Variants in OR10S1 observed in about 807,000 individuals in gnomAD.
The protein encoded by OR10S1 is olfactory receptor family 10 subfamily S member 1, also known as olfactory receptor 10S1.
For missense variants in OR10S1, 415 were observed against 407.9 expected (o/e 1.02, Z -0.15); for synonymous variants, 167 against 164.1 (o/e 1.02, Z -0.13).
exon 1 of OR10S1, chr11:123,977,398 C>G (rs770960376): frequency 6.2e-7 from 1 of 1,613,946 alleles, no homozygotes; most frequent in African/African-American, 1.3e-5. Flanking sequence ...CCAGAGTCAG[C>G]AGGCCTGCCA....
At chr11:123,977,392 A>G (rs748125574) in exon 1 of OR10S1, 2 of 1,614,094 alleles carry the variant, frequency 1.2e-6, no homozygotes, top group Non-Finnish European at 1.7e-6. Context: ...TCCCATCCAG[A>G]GTCAGCAGGC....
At chr11:123,976,977 C>A (rs935644337) in exon 1 of OR10S1, 2 of 1,613,916 alleles carry the variant, frequency 1.2e-6, no homozygotes, top group African/African-American at 2.7e-5. Flanking sequence ...ATGCGCAACA[C>A]AGCTGCCACG....
At position 123,977,759 on chromosome 11, in the gene OR10S1, C is replaced by A; in HGVS notation, c.-95G>T. 1 of 1,376,802 alleles carries A rather than the reference C, an allele frequency of 7.3e-7. No homozygotes were observed. The allele number at this position is 1,376,802 out of a possible 1,614,324, so 85.3% of individuals were successfully genotyped here. ...ATCCCTTTCCTGAGATGTCATTATC[C>A]ATCAAGCCACACCACCTTGGTCTTA... is the stretch of plus-strand genomic sequence containing the variant. On this transcript the variant is annotated 5_prime_UTR_variant, in exon 1 of 1. An upstream start codon of the reference 5' UTR is lost. Coordinates refer to ENST00000641123, the Ensembl canonical transcript of OR10S1.
exon 1 of OR10S1, chr11:123,977,088 C>T (rs184549340): frequency 8.7e-6 from 14 of 1,614,196 alleles, no homozygotes; most frequent in African/African-American, 2.7e-5. Flanking sequence ...TCTGTACAGG[C>T]GAGCTTTAGG....
exon 1 of OR10S1, chr11:123,977,014 G>A: frequency 6.2e-7 from 1 of 1,614,184 alleles, no homozygotes; most frequent in Non-Finnish European, 8.5e-7. Context: ...TAACGATGAG[G>A]ATGAGGCAGC....
chr11:123,977,481 G>A (rs1449216016), exon 1 of OR10S1: 4 of 1,614,116 alleles, frequency 2.5e-6, no homozygotes, highest in Non-Finnish European at 3.4e-6. Flanking sequence ...TGGTACATGG[G>A]TAAGCTGAGG....
exon 1 of OR10S1, chr11:123,976,715 G>T: frequency 4.3e-6 from 7 of 1,611,996 alleles, no homozygotes; most frequent in Non-Finnish European, 5.1e-6. Context: ...TGGGCTGCCT[G>T]CTGTAGACTC....
Position 123,976,815 on chromosome 11 carries a change from C to T in OR10S1, c.850G>A (p.Val284Ile), listed in dbSNP as rs753640147. The T allele has an allele frequency of 5.0e-6, 8 of 1,614,126 alleles. No individual in the cohort carries two copies. In the Middle Eastern group the frequency reaches 4.9e-4, roughly 100 times the overall value. Residue 284 changes from valine (V) to isoleucine (I), a missense_variant, in exon 1 of 1, where the codon GTA (valine) becomes ATA (isoleucine). Coordinates refer to ENST00000641123, the Ensembl canonical transcript of OR10S1. ...ATGAATGGGTTGAGCATTGGAGTTACGATTGTGTAGAAGACAGCAGGGGCC... is the reference window on the plus strand; with the variant it reads ...ATGAATGGGTTGAGCATTGGAGTTATGATTGTGTAGAAGACAGCAGGGGCC...
chr11:123,976,871 A>G (rs1238594908), exon 1 of OR10S1: 1 of 1,614,166 alleles, frequency 6.2e-7, no homozygotes, highest in Admixed American at 1.7e-5. Context: ...GCGAGGCTGC[A>G]GGTAGATACA....
exon 1 of OR10S1, chr11:123,976,667 A>T: frequency 6.4e-7 from 1 of 1,553,364 alleles, no homozygotes; most frequent in Non-Finnish European, 8.7e-7. Context: ...CTTTCCTGGC[A>T]GGCAAATTGT....
rs1565583588 is a variant in OR10S1 at position 123,977,460 on chromosome 11, G to GC, written c.204dup (p.His69AlafsTer32). On this transcript the variant is annotated frameshift_variant, in exon 1 of 1. Coordinates refer to ENST00000641123, the Ensembl canonical transcript of OR10S1. LOFTEE classifies it low-confidence loss of function (END_TRUNC). The stretch of plus-strand genomic sequence containing the variant: ...AAACAGGCATCCAGGAAGGAGAGGT[G>GC]CCCCAGGAAGTGGTACATGGGTAAG... 6.2e-7 allele frequency: 1 copy of GC among 1,614,104 alleles called. No individual in the cohort carries two copies. Among genetic ancestry groups the GC allele is most frequent in the Non-Finnish European group, 8.5e-7 (1 of 1,179,998 alleles).
exon 1 of OR10S1, chr11:123,977,011 G>A: frequency 6.2e-6 from 10 of 1,614,170 alleles, no homozygotes; most frequent in Non-Finnish European, 7.6e-6. Flanking sequence ...AAATAACGAT[G>A]AGGATGAGGC....
At chr11:123,977,218 C>A in exon 1 of OR10S1, 1 of 1,614,194 alleles carries the variant, frequency 6.2e-7, no homozygotes, top group Non-Finnish European at 8.5e-7. Flanking sequence ...TGATTCCAGC[C>A]ATTTCTGCAC....
chr11:123,977,721 A>G (rs983226208), exon 1 of OR10S1: 6 of 1,578,032 alleles, frequency 3.8e-6, no homozygotes, highest in Non-Finnish European at 5.1e-6. Flanking sequence ...ACATTAATGG[A>G]ATAAATAGCT....
At chr11:123,977,157 G>T (rs1029484799) in exon 1 of OR10S1, 1 of 1,614,096 alleles carries the variant, frequency 6.2e-7, no homozygotes, top group South Asian at 1.1e-5. Flanking sequence ...TAGAGCAGGC[G>T]GAAGGTGAGG....
In OR10S1 at chr11:123,977,309, A is replaced by G. The variant is rs149451925; in HGVS notation, c.356T>C (p.Leu119Pro). The G allele has an allele frequency of 1.9e-4, 302 of 1,614,172 alleles. No individual in the cohort carries two copies. Among genetic ancestry groups the G allele is most frequent in the Non-Finnish European group, 2.5e-4 (297 of 1,180,000 alleles). Residue 119 changes from leucine to proline, a missense_variant, in exon 1 of 1, where the codon CTG becomes CCG. By Grantham distance (98) the Leu-to-Pro change is moderately conservative. Transcript: ENST00000641123. ...GCGGTCATAGGCCATGACTGTGTACAGGAAGCACTCAGTGCTGGCCAGAAA... is the reference window on the plus strand; with the variant it reads ...GCGGTCATAGGCCATGACTGTGTACGGGAAGCACTCAGTGCTGGCCAGAAA...
exon 1 of OR10S1, chr11:123,976,730 A>C: frequency 6.2e-7 from 1 of 1,613,740 alleles, no homozygotes; most frequent in Non-Finnish European, 8.5e-7. Context: ...AGACTCTCGG[A>C]AGCTGCTGCA....
chr11:123,976,928 C>T, exon 1 of OR10S1: 1 of 1,613,992 alleles, frequency 6.2e-7, no homozygotes, highest in East Asian at 2.2e-5. Flanking sequence ...CTGGGCAGTG[C>T]AGGGGGAGAA....
Position 123,977,716 on chromosome 11 carries a change from A to G in OR10S1, c.-52T>C. 6.3e-7 allele frequency: 1 copy of G among 1,582,430 alleles called. No individual in the cohort carries two copies. The highest frequency in any genetic ancestry group is 8.6e-7 in the Non-Finnish European group (1 of 1,168,532). On this transcript the variant is annotated 5_prime_UTR_variant, in exon 1 of 1. The change abolishes the stop of an existing upstream ORF in the 5' untranslated region. Coordinates refer to ENST00000641123, the Ensembl canonical transcript of OR10S1. ...TCCCCTTTGCAACAAAACTGACATT[A>G]ATGGAATAAATAGCTGTATCCCTTT...
Sources: allele counts gnomAD v4.1 joint callset, GRCh38; gene constraint gnomAD v4.1.1; transcripts MANE v1.5; gene names NCBI Gene and HGNC (gene_info 2026-07-23, HGNC 2026-07-21).